LY6S: variants seen among roughly 807,000 people sequenced by gnomAD.
LY6S encodes the protein lymphocyte antigen 6S.
At chr8:143,048,303 G>A in the LY6S span, among the ~76,000 whole-genome samples, 2 of 152,050 alleles carry the variant, frequency 1.3e-5, no homozygotes, top group Non-Finnish European at 2.9e-5. Flanking sequence ...CAACCACATC[G>A]GTTGCTCTCA....
the LY6S span, among the ~76,000 whole-genome samples, chr8:143,070,000 G>A: frequency 6.6e-6 from 1 of 152,136 alleles, no homozygotes; most frequent in African/African-American, 2.4e-5. Context: ...CACCACAACT[G>A]GGGGCTTAAG....
chr8:143,064,485 A>T, the LY6S span, among the ~76,000 whole-genome samples: 1 of 152,238 alleles, frequency 6.6e-6, no homozygotes. Context: ...AATCATCCAC[A>T]TATTGTAAAT....
chr8:143,044,896 A>G, the LY6S span: 2 of 1,200,990 alleles, frequency 1.7e-6, no homozygotes, highest in Admixed American at 5.4e-5. Flanking sequence ...ACCCACTCTC[A>G]CCACCACCCT....
chr8:143,050,709 G>T, the LY6S span, among the ~76,000 whole-genome samples: 1 of 152,098 alleles, frequency 6.6e-6, no homozygotes, highest in Non-Finnish European at 1.5e-5. Flanking sequence ...TTGCAACATG[G>T]GCCAGGCCTT....
chr8:143,070,192 G>C, the LY6S span, among the ~76,000 whole-genome samples: 3 of 151,150 alleles, frequency 2.0e-5, no homozygotes, highest in African/African-American at 7.3e-5. Context: ...AGGACACCAG[G>C]CATGCTGGAC....
chr8:143,042,337 T>A, the LY6S span: 2 of 152,558 alleles, frequency 1.3e-5, 1 homozygote. Flanking sequence ...CACCACAGGA[T>A]GGCTGGTGGC....
chr8:143,064,794 G>T, the LY6S span, among the ~76,000 whole-genome samples: 2 of 152,210 alleles, frequency 1.3e-5, no homozygotes, highest in African/African-American at 4.8e-5. Flanking sequence ...ATCCCAGTTT[G>T]GGTCCGTGCG....
the LY6S span, among the ~76,000 whole-genome samples, chr8:143,074,725 A>C: frequency 6.6e-6 from 1 of 152,130 alleles, no homozygotes; most frequent in South Asian, 2.1e-4. Context: ...CTTCTATTGA[A>C]TAGCTTATCT....
chr8:143,048,044 G>T, the LY6S span: 4 of 152,218 alleles, frequency 2.6e-5, no homozygotes, highest in African/African-American at 9.6e-5. Flanking sequence ...AAGAATGGAG[G>T]CCTCACAGCA....
the LY6S span, among the ~76,000 whole-genome samples, chr8:143,051,745 G>A: frequency 1.1e-4 from 17 of 152,006 alleles, no homozygotes; most frequent in East Asian, 1.9e-3. Context: ...GCCGAAGCAC[G>A]TGGATCACTT....
the LY6S span, among the ~76,000 whole-genome samples, chr8:143,060,960 C>A: frequency 2.7e-5 from 4 of 146,240 alleles, no homozygotes; most frequent in Non-Finnish European, 4.5e-5. Context: ...CAAAAGAATA[C>A]CGTAAAGGAA....
the LY6S span, chr8:143,047,983 C>CA: frequency 2.0e-5 from 3 of 152,268 alleles, no homozygotes; most frequent in Non-Finnish European, 4.4e-5. Context: ...CTCTGTGCTG[C>CA]ATCTCCTTGG....
the LY6S span, among the ~76,000 whole-genome samples, chr8:143,043,964 C>T: frequency 6.6e-6 from 1 of 152,218 alleles, no homozygotes; most frequent in African/African-American, 2.4e-5. Context: ...CATGAGCCAC[C>T]GTGCCCGGCC....
chr8:143,044,404 C>A, the LY6S span, among the ~76,000 whole-genome samples: 423 of 152,168 alleles, frequency 2.8e-3, 4 homozygotes, highest in African/African-American at 9.2e-3. Context: ...TGTGGGCGCC[C>A]CCTGCTCTAG....
the LY6S span, among the ~76,000 whole-genome samples, chr8:143,040,920 A>T: frequency 6.6e-6 from 1 of 152,206 alleles, no homozygotes; most frequent in Admixed American, 6.5e-5. Context: ...AAACCAGCAA[A>T]TTTTTATTAG....
chr8:143,044,490 C>A, the LY6S span, among the ~76,000 whole-genome samples: 1 of 152,010 alleles, frequency 6.6e-6, no homozygotes, highest in Admixed American at 6.6e-5. Context: ...CTCAGCCCTG[C>A]CGCTCTTCCA....
At chr8:143,047,297 G>A in the LY6S span, among the ~76,000 whole-genome samples, 79,726 of 151,292 alleles carry the variant, frequency 0.53, 23,498 homozygotes, top group East Asian at 0.67. Context: ...CTGCCACCAC[G>A]CCCGGCTTTT....
chr8:143,072,285 C>T, the LY6S span, among the ~76,000 whole-genome samples: 1 of 149,160 alleles, frequency 6.7e-6, no homozygotes, highest in African/African-American at 2.5e-5. Context: ...CCCGGGGTTC[C>T]TGTTTGAGGA....
At chr8:143,072,280 GGT>G in the LY6S span, among the ~76,000 whole-genome samples, 25 of 150,294 alleles carry the variant, frequency 1.7e-4, no homozygotes, top group African/African-American at 3.4e-4. Flanking sequence ...TCGTCCCCGG[GGT>G]TCCTGTTTGA....
Sources: gnomAD v4.1 joint callset for allele counts (sites outside exome capture counted in the v4.1 genomes callset) on GRCh38, gnomAD v4.1.1 for gene constraint, MANE v1.5 for transcripts, NCBI Gene and HGNC (gene_info 2026-07-23, HGNC 2026-07-21) for gene names.